The following UTP15 variants were observed in gnomAD, a reference collection of about 807,000 sequenced individuals.
UTP15 encodes the protein U3 small nucleolar RNA-associated protein 15 homolog.
A neutral mutation model predicts 59.1 loss-of-function variants in UTP15; 5 were observed. The observed-to-expected ratio is 0.08, with a 90% CI of 0.04 to 0.18. The LOEUF (loss-of-function observed/expected upper bound fraction) is 0.18, where lower values mean the gene tolerates loss of function less well. UTP15 is among the 10% of genes least tolerant of loss of function. UTP15 has a pLI of 1.00. For synonymous variants in UTP15, 211 were observed against 212.2 expected (o/e 0.99, Z 0.05); for missense variants, 494 against 616.7 (o/e 0.80, Z 2.11).
chr5:73,566,380 T>C (rs1747765035), intron 1 of UTP15, among the ~76,000 whole-genome samples: 1 of 152,208 alleles, frequency 6.6e-6, no homozygotes, highest in Admixed American at 6.5e-5. Flanking sequence ...TTTATTTCAT[T>C]CACCATTATA....
chr5:73,569,466 C>G (rs1747871366), intron 4 of UTP15, 31 bp from the exon 5 acceptor site: 1 of 1,427,862 alleles, frequency 7.0e-7, no homozygotes, highest in Non-Finnish European at 9.2e-7. Flanking sequence ...AATTTTCTTG[C>G]TTTTTAATAT....
At chr5:73,578,657 CAG>C in intron 9 of UTP15, 92 bp from the exon 10 acceptor site, 2 of 1,026,588 alleles carry the variant, frequency 1.9e-6, no homozygotes, top group Admixed American at 2.0e-5. Context: ...TGACATAGTT[CAG>C]AGATACCACT....
intron 7 of UTP15, among the ~76,000 whole-genome samples, chr5:73,573,221 CATT>C (rs1229368659): frequency 6.6e-6 from 1 of 151,378 alleles, no homozygotes; most frequent in African/African-American, 2.4e-5. Flanking sequence ...CTTTTAAAAT[CATT>C]ATTGTACATT....
intron 7 of UTP15, among the ~76,000 whole-genome samples, chr5:73,576,167 C>T (rs570976086): frequency 5.9e-5 from 9 of 151,808 alleles, no homozygotes; most frequent in South Asian, 4.2e-4. Context: ...GGCAGTGGCA[C>T]GATTTCGGCT....
rs1054860345 is a variant in UTP15 at position 73,580,409 on chromosome 5, T to C, written c.*315T>C. On this transcript the variant is annotated 3_prime_UTR_variant, in exon 13 of 13. Transcript: ENST00000296792. ...ATCAACATTTGGGTTGGTATTCAGA[T>C]GGGAATTCAAATATGAATCCTCTCT... is the stretch of plus-strand genomic sequence containing the variant. 1.4e-4 allele frequency: 26 copies of C among 191,562 alleles called. No homozygotes were observed. The highest frequency in any genetic ancestry group is 4.5e-4 in the African/African-American group (19 of 42,302). The allele number at this position is 191,562 out of a possible 1,614,324, so 11.9% of individuals were successfully genotyped here. A position where few individuals can be genotyped will look rare whatever the true frequency, so the allele number is the denominator to read the frequency against.
In UTP15 at chr5:73,568,264, A is replaced by G. The variant is rs1237569017; in HGVS notation, c.120A>G (p.Ala40=). 4.3e-6 allele frequency: 7 copies of G among 1,610,652 alleles called. No homozygotes were observed. The highest frequency in any genetic ancestry group is 5.9e-6 in the Non-Finnish European group (7 of 1,179,202). The change falls in exon 3 of 13, where the codon GCA becomes GCG. Residue 40 remains alanine, a synonymous_variant. Coordinates refer to ENST00000296792, the MANE Select transcript of UTP15 (RefSeq NM_032175.4). ...CTGTTCAGATTAAGGAATTTGGTGC[A>G]GTTTCAAAAGTAGACTTTTCTCCTC... ...KTPVQIKEFG[A]VSKVDFSPQP...
chr5:73,581,628 T>G lies in UTP15; in HGVS notation c.*1534T>G, dbSNP rs1748313413. 1 of 151,790 alleles carries G rather than the reference T, an allele frequency of 6.6e-6. No homozygotes were observed. The allele number at this position is 151,790 out of a possible 1,614,324, so 9.4% of individuals were successfully genotyped here. A position where few individuals can be genotyped will look rare whatever the true frequency, so the allele number is the denominator to read the frequency against. On this transcript the variant is annotated 3_prime_UTR_variant, in exon 13 of 13. Coordinates refer to ENST00000296792, the MANE Select transcript of UTP15 (RefSeq NM_032175.4). ...TTCAGGGTTTTTTTTTGTTTTTTTG[T>G]TTTTTTTAAGCCGAAAAAATGCTTA...
chr5:73,569,232 G>C (rs1337215532), intron 4 of UTP15, among the ~76,000 whole-genome samples: 1 of 151,972 alleles, frequency 6.6e-6, no homozygotes, highest in East Asian at 1.9e-4. Flanking sequence ...GCAGCTAAGT[G>C]GAATTGTTTA....
chr5:73,579,125 A>G lies in UTP15; in HGVS notation c.1255A>G (p.Ser419Gly), dbSNP rs2112060096. 3 of 1,613,948 alleles carry G rather than the reference A, an allele frequency of 1.9e-6. No individual in the cohort carries two copies. Among genetic ancestry groups the G allele is most frequent in the East Asian group, 4.5e-5 (2 of 44,870 alleles). The stretch of plus-strand genomic sequence containing the variant: ...TGCAGGTCGGGATGAGAAGGAAATC[A>G]GTCATGTTCTTAATTTTTTGATAAG... ...ALAGRDEKEISHVLNFLIRNL... is the reference protein window; with the variant it reads ...ALAGRDEKEIGHVLNFLIRNL... The change falls in exon 11 of 13, where the codon AGT becomes GGT. Residue 419 changes from serine (S) to glycine (G), a missense_variant. Coordinates refer to ENST00000296792, the MANE Select transcript of UTP15 (RefSeq NM_032175.4).
At chr5:73,569,972 A>G (rs1747883523) in intron 5 of UTP15, among the ~76,000 whole-genome samples, 1 of 152,038 alleles carries the variant, frequency 6.6e-6, no homozygotes, top group Non-Finnish European at 1.5e-5. Context: ...AGCTGGGACT[A>G]CAGGTGCCCA....
intron 8 of UTP15, 151 bp downstream of exon 8, chr5:73,577,187 G>A (rs375968603): frequency 3.5e-5 from 24 of 678,914 alleles, no homozygotes; most frequent in Middle Eastern, 6.3e-4. Flanking sequence ...TATGTAACTC[G>A]TCCTATTGAC....
At chr5:73,570,763 G>A in intron 6 of UTP15, 52 bp downstream of exon 6, 1 of 1,600,082 alleles carries the variant, frequency 6.2e-7, no homozygotes, top group East Asian at 2.2e-5. Flanking sequence ...AATCACGTTT[G>A]TTTAAAATCA....
intron 6 of UTP15, among the ~76,000 whole-genome samples, chr5:73,571,192 A>G (rs1747921688): frequency 6.6e-6 from 1 of 151,170 alleles, no homozygotes; most frequent in Non-Finnish European, 1.5e-5. Flanking sequence ...TAACCCCAGA[A>G]ATTTAGCTCA....
At position 73,580,115 on chromosome 5, in the gene UTP15, T is replaced by A. The variant is rs759587950; in HGVS notation, c.*21T>A. On this transcript the variant is annotated 3_prime_UTR_variant, in exon 13 of 13. Coordinates refer to ENST00000296792, the MANE Select transcript of UTP15 (RefSeq NM_032175.4). Reference sequence around the variant, plus strand: ...CATAGTGTCTGCTAAATAAGACATATAAGAACTCTGAAGTTGGAATAGATT... The same window carrying A: ...CATAGTGTCTGCTAAATAAGACATAAAAGAACTCTGAAGTTGGAATAGATT... 6.3e-7 allele frequency: 1 copy of A among 1,594,166 alleles called. No homozygotes were observed. The highest frequency in any genetic ancestry group is 2.2e-5 in the East Asian group (1 of 44,650).
chr5:73,568,194 C>A, intron 2 of UTP15, 41 bp from the exon 3 acceptor site: 1 of 1,432,232 alleles, frequency 7.0e-7, no homozygotes, highest in African/African-American at 1.4e-5. Flanking sequence ...ATAGGTCTTA[C>A]CAGTGGTAAC....
intron 6 of UTP15, among the ~76,000 whole-genome samples, chr5:73,571,481 A>C (rs1054466080): frequency 6.6e-6 from 1 of 152,156 alleles, no homozygotes; most frequent in African/African-American, 2.4e-5. Context: ...TTTGTAAATA[A>C]AGTAAAAATG....
In UTP15 at chr5:73,582,006, C is replaced by T. The variant is rs1426224333; in HGVS notation, c.*1912C>T. 1 of 152,110 alleles carries T rather than the reference C, an allele frequency of 6.6e-6. No homozygotes were observed. Among genetic ancestry groups the T allele is most frequent in the Admixed American group, 6.5e-5 (1 of 15,270 alleles). The allele number at this position is 152,110 out of a possible 1,614,324, so 9.4% of individuals were successfully genotyped here. On this transcript the variant is annotated 3_prime_UTR_variant, in exon 13 of 13. Transcript: ENST00000296792. ...ACATCATAAATATTCTGATAATTTG[C>T]ATAGTAGTAAAAATTAGAAGTTGAA...
In UTP15 at chr5:73,581,811, G is replaced by A. The variant is rs762319775; in HGVS notation, c.*1717G>A. ...GTACAGGTATGCTTGGAAATAGGGC[G>A]TTTCCTTTTCATGAATTGATTTCGT... On this transcript the variant is annotated 3_prime_UTR_variant, in exon 13 of 13. Transcript: ENST00000296792. 23 of 151,876 alleles carry A rather than the reference G, an allele frequency of 1.5e-4. No homozygotes were observed. Among genetic ancestry groups the A allele is most frequent in the African/African-American group, 4.1e-4 (17 of 41,304 alleles). 9.4% of individuals were successfully genotyped at this position (151,876 alleles called of 1,614,324 possible).
chr5:73,572,934 A>G (rs1747983044), intron 7 of UTP15, among the ~76,000 whole-genome samples: 1 of 152,004 alleles, frequency 6.6e-6, no homozygotes, highest in Non-Finnish European at 1.5e-5. Context: ...AGTAGCTGGG[A>G]TAACAGGCAC....
Sources: allele counts gnomAD v4.1 joint callset (sites outside exome capture counted in the v4.1 genomes callset), GRCh38; gene constraint gnomAD v4.1.1; transcripts MANE v1.5; gene names NCBI Gene and HGNC (gene_info 2026-07-23, HGNC 2026-07-21).